PCCB: variants seen among roughly 807,000 people sequenced by gnomAD.
The protein encoded by PCCB is propionyl-CoA carboxylase beta chain, mitochondrial.
A neutral mutation model predicts 60.7 loss-of-function variants in PCCB; 43 were observed. The observed-to-expected ratio is 0.71, with a 90% confidence interval of 0.55 to 0.91. The LOEUF (loss-of-function observed/expected upper bound fraction) is 0.91. Ranked by LOEUF, PCCB falls within the 40% of genes least tolerant of loss-of-function variation. PCCB has a pLI of 0.00. For missense variants in PCCB, 766 were observed against 702.8 expected (o/e 1.09, Z -1.02); for synonymous variants, 276 against 255.9 (o/e 1.08, Z -0.75).
intron 9 of PCCB, among the ~76,000 whole-genome samples, chr3:136,309,150 G>A (rs1296536833): frequency 6.6e-6 from 1 of 151,216 alleles, no homozygotes; most frequent in Admixed American, 6.6e-5. Flanking sequence ...GTAATCCCAG[G>A]TACTCAGGAG....
In PCCB at chr3:136,310,295, G is replaced by A. The variant is rs528774835; in HGVS notation, c.967-6646G>A. On this transcript the variant is annotated intron_variant, in intron 9 of 14. Coordinates refer to ENST00000251654, the MANE Select transcript of PCCB (RefSeq NM_000532.5). Reference sequence around the variant, plus strand: ...GGAGAATTGCTTGAACCCAGGAGGCGGAGGTTGCGATGAGCCAAGATCGTG... The same window carrying A: ...GGAGAATTGCTTGAACCCAGGAGGCAGAGGTTGCGATGAGCCAAGATCGTG... 1.8e-3 allele frequency among the ~76,000 whole-genome samples: 272 copies of A among 151,902 alleles called. 1 individual carries two copies. Among genetic ancestry groups the A allele is most frequent in the Non-Finnish European group, 3.1e-3 (212 of 67,970 alleles).
intron 2 of PCCB, 137 bp from the exon 3 acceptor site, chr3:136,256,418 T>G (rs902278054): frequency 2.4e-5 from 17 of 706,460 alleles, no homozygotes; most frequent in Non-Finnish European, 3.6e-5. Flanking sequence ...TGGGGTGGGA[T>G]TCCTTCATGT....
intron 10 of PCCB, 118 bp downstream of exon 10, chr3:136,317,182 A>C: frequency 1.1e-6 from 1 of 932,010 alleles, no homozygotes; most frequent in Non-Finnish European, 1.7e-6. Flanking sequence ...TGACCAGAGG[A>C]AAAAATCTAA....
chr3:136,254,422 G>A (rs1314340683), intron 1 of PCCB, among the ~76,000 whole-genome samples: 2 of 146,508 alleles, frequency 1.4e-5, no homozygotes, highest in Non-Finnish European at 3.0e-5. Context: ...GGGTTTCGCC[G>A]TGTTAGCCAG....
At chr3:136,319,117 G>A (rs1253811003) in intron 10 of PCCB, among the ~76,000 whole-genome samples, 1 of 152,166 alleles carries the variant, frequency 6.6e-6, no homozygotes, top group Non-Finnish European at 1.5e-5. Context: ...TGGATGTGAA[G>A]TGAATGGAAT....
chr3:136,329,496 C>T lies in PCCB; in HGVS notation c.1499-409C>T, dbSNP rs577540908. On this transcript the variant is annotated intron_variant, in intron 14 of 14. Coordinates refer to ENST00000251654, the MANE Select transcript of PCCB (RefSeq NM_000532.5). ...GCCAAGAAAACTCAACAAGGTTAAGCGAAGGAATACAAATCCACCTCTTGA... is the reference window on the plus strand; with the variant it reads ...GCCAAGAAAACTCAACAAGGTTAAGTGAAGGAATACAAATCCACCTCTTGA... Among the ~76,000 whole-genome samples the T allele has an allele frequency of 4.6e-5, 7 of 152,202 alleles. No individual in the cohort carries two copies. In the East Asian group the frequency reaches 9.7e-4, roughly 21 times the overall value.
intron 10 of PCCB, among the ~76,000 whole-genome samples, chr3:136,322,467 C>T (rs1021782327): frequency 6.6e-6 from 1 of 152,180 alleles, no homozygotes; most frequent in Non-Finnish European, 1.5e-5. Context: ...ATGCTGGACT[C>T]ATAGAATGAG....
At chr3:136,287,843 A>G (rs1409129733) in intron 6 of PCCB, among the ~76,000 whole-genome samples, 1 of 152,234 alleles carries the variant, frequency 6.6e-6, no homozygotes. Context: ...ATTTTTCTAT[A>G]TGTGTCTTGG....
At position 136,263,972 on chromosome 3, in the gene PCCB, A is replaced by G. The variant is rs577160685; in HGVS notation, c.543+1907A>G. Among the ~76,000 whole-genome samples the G allele has an allele frequency of 5.8e-4, 88 of 151,820 alleles. 1 individual carries two copies. The highest frequency in any genetic ancestry group is 2.0e-3 in the African/African-American group (84 of 41,390). ...GGTTACAGTGAGCCAAGATTGTGCC[A>G]TTGCACTCCAACCTGGGTGACAGAG... On this transcript the variant is annotated intron_variant, in intron 5 of 14. Transcript: ENST00000251654.
chr3:136,298,028 G>A lies in PCCB; in HGVS notation c.840G>A (p.Leu280=), dbSNP rs1934015229. The A allele has an allele frequency of 9.9e-6, 16 of 1,614,166 alleles. No homozygotes were observed. Among genetic ancestry groups the A allele is most frequent in the Non-Finnish European group, 1.4e-5 (16 of 1,180,006 alleles). ...NLRDFFNYLP[L]SSQDPAPVRE... ...GGGATTTCTTCAACTACCTGCCCCTGAGCAGTCAGGACCCGGCTCCCGTCC... is the reference window on the plus strand; with the variant it reads ...GGGATTTCTTCAACTACCTGCCCCTAAGCAGTCAGGACCCGGCTCCCGTCC... Residue 280 remains leucine, a synonymous_variant, in exon 8 of 15, where the codon CTG becomes CTA. Coordinates refer to ENST00000251654, the MANE Select transcript of PCCB (RefSeq NM_000532.5).
intron 7 of PCCB, among the ~76,000 whole-genome samples, chr3:136,297,025 A>G (rs981678809): frequency 4.6e-5 from 7 of 152,220 alleles, no homozygotes; most frequent in Admixed American, 3.9e-4. Context: ...AATACGTGCT[A>G]TGGAAAAAGT....
chr3:136,315,437 G>T (rs1328455467), intron 9 of PCCB, among the ~76,000 whole-genome samples: 1 of 152,182 alleles, frequency 6.6e-6, no homozygotes, highest in Non-Finnish European at 1.5e-5. Flanking sequence ...AGGCTTAGGA[G>T]AATTGCTTGA....
At chr3:136,323,110 G>A (rs1022181073) in intron 10 of PCCB, among the ~76,000 whole-genome samples, 1 of 150,636 alleles carries the variant, frequency 6.6e-6, no homozygotes, top group African/African-American at 2.4e-5. Flanking sequence ...AGTTAGTTGA[G>A]TTTCTTATAT....
At chr3:136,299,701 T>C in intron 8 of PCCB, among the ~76,000 whole-genome samples, 1 of 148,014 alleles carries the variant, frequency 6.8e-6, no homozygotes, top group East Asian at 2.1e-4. Context: ...CATGTGTATG[T>C]ATAGGTATGC....
chr3:136,251,612 C>T lies in PCCB; in HGVS notation c.183+1054C>T, dbSNP rs537717334. ...GTAAATTTAGTGATGGTTTGTGGTG[C>T]TAGGAGTGCTTTCTCTCCCCTGGGG... On this transcript the variant is annotated intron_variant, in intron 1 of 14. Transcript: ENST00000251654. Among the ~76,000 whole-genome samples the T allele has an allele frequency of 9.2e-5, 14 of 152,208 alleles. No individual in the cohort carries two copies. The South Asian group carries it at 2.9e-3, about 32-fold the overall frequency.
At chr3:136,287,626 G>A (rs1465092697) in intron 6 of PCCB, among the ~76,000 whole-genome samples, 1 of 152,072 alleles carries the variant, frequency 6.6e-6, no homozygotes, top group Non-Finnish European at 1.5e-5. Flanking sequence ...GGTAGAGATG[G>A]ATTTTGCTGT....
In PCCB at chr3:136,302,389, G is replaced by T. The variant is rs944051653; in HGVS notation, c.966+1278G>T. Among the ~76,000 whole-genome samples the T allele has an allele frequency of 6.6e-5, 8 of 120,852 alleles. 2 individuals are homozygous for T. Among genetic ancestry groups the T allele is most frequent in the Non-Finnish European group, 1.1e-4 (6 of 54,246 alleles). 79.3% of individuals were successfully genotyped at this position (120,852 alleles called of 152,430 possible). ...GCCAGGCAATTGTTGCCTGGGTGGG[G>T]AGACAGATTCCTGGTGCTTCCTACT... On this transcript the variant is annotated intron_variant, in intron 9 of 14. Transcript: ENST00000251654.
rs1005155227 is a variant in PCCB at position 136,330,134 on chromosome 3, T to C, written c.*108T>C. The C allele has an allele frequency of 1.3e-5, 21 of 1,581,968 alleles. No individual in the cohort carries two copies. The African/African-American group carries it at 2.7e-4, about 20-fold the overall frequency. ...CTGGGAATCCAAATAGTTGGATAAC[T>C]TAGAATAACTAAGTTTATTAAATTC... On this transcript the variant is annotated 3_prime_UTR_variant, in exon 15 of 15. Transcript: ENST00000251654.
At chr3:136,275,555 G>A (rs1490162178) in intron 5 of PCCB, among the ~76,000 whole-genome samples, 2 of 151,966 alleles carry the variant, frequency 1.3e-5, no homozygotes, top group Non-Finnish European at 2.9e-5. Flanking sequence ...TTTGTGTAGA[G>A]TATTTCTTCT....
Sources: gnomAD v4.1 joint callset for allele counts (sites outside exome capture counted in the v4.1 genomes callset) on GRCh38, gnomAD v4.1.1 for gene constraint, MANE v1.5 for transcripts, NCBI Gene and HGNC (gene_info 2026-07-23, HGNC 2026-07-21) for gene names.